Variants in PIAS1 observed in about 807,000 individuals in gnomAD.
PIAS1 encodes the protein E3 SUMO-protein ligase PIAS1.
In PIAS1, 6 loss-of-function variants were observed where a neutral mutation model predicts 71.3. That is an observed-to-expected ratio of 0.08 (90% CI 0.05 to 0.17). The LOEUF (loss-of-function observed/expected upper bound fraction) is 0.17, where lower values mean the gene tolerates loss of function less well. Ranked by LOEUF, PIAS1 falls within the 10% of genes least tolerant of loss-of-function variation. The probability of loss-of-function intolerance (pLI) is 1.00; values close to 1 mark genes in which losing one functional copy is unlikely to be tolerated. For missense variants in PIAS1, 555 were observed against 793.6 expected (o/e 0.70, Z 3.61); for synonymous variants, 303 against 292.9 (o/e 1.03, Z -0.35).
At chr15:68,080,250 TAA>T (rs1462487041) in intron 1 of PIAS1, among the ~76,000 whole-genome samples, 1 of 152,210 alleles carries the variant, frequency 6.6e-6, no homozygotes. Flanking sequence ...TATCAAAAAT[TAA>T]AGCCATGGTG....
rs1323029222 is a variant in PIAS1, at chr15:68,185,121, T to G, written c.1662+1454T>G. ...CCCAATATCAAAGTGTTGTGTCTCC[T>G]TCCATATACCACCTCTTTGATCCAA... is the stretch of plus-strand genomic sequence containing the variant. On this transcript the variant is annotated intron_variant, in intron 13 of 13. Transcript: ENST00000249636. The surrounding 1 kb of genome is among the most constrained non-coding windows in gnomAD (Gnocchi z 4.4). 1 of 152,270 alleles carries G rather than the reference T, an allele frequency of 6.6e-6. No homozygotes were observed. The highest frequency in any genetic ancestry group is 1.5e-5 in the Non-Finnish European group (1 of 68,040). 9.4% of individuals were successfully genotyped at this position (152,270 alleles called of 1,614,324 possible). A position where few individuals can be genotyped will look rare whatever the true frequency, so the allele number is the denominator to read the frequency against.
At chr15:68,088,621 C>CA (rs959523567) in intron 2 of PIAS1, among the ~76,000 whole-genome samples, 2 of 152,004 alleles carry the variant, frequency 1.3e-5, no homozygotes, top group Non-Finnish European at 2.9e-5. Flanking sequence ...AAAAAGATCT[C>CA]ACCACAAAGT....
At chr15:68,073,084 C>T (rs1247193642) in intron 1 of PIAS1, among the ~76,000 whole-genome samples, 12 of 152,216 alleles carry the variant, frequency 7.9e-5, no homozygotes, top group Middle Eastern at 6.8e-3. Context: ...GGCGCAATCT[C>T]GGCCCACTGC....
At chr15:68,072,399 C>G (rs1231180182) in intron 1 of PIAS1, among the ~76,000 whole-genome samples, 114 of 25,030 alleles carry the variant, frequency 4.6e-3, no homozygotes, top group African/African-American at 0.014. Context: ...GACTCCATCT[C>G]AAAAAAAAAA....
At chr15:68,075,137 C>T (rs544823436) in intron 1 of PIAS1, among the ~76,000 whole-genome samples, 1 of 124,986 alleles carries the variant, frequency 8.0e-6, no homozygotes, top group Non-Finnish European at 1.6e-5. Context: ...CAGGCTGGAG[C>T]GAAGTGGCGT....
chr15:68,081,949 T>G (rs1361744676), intron 1 of PIAS1, among the ~76,000 whole-genome samples: 1 of 151,564 alleles, frequency 6.6e-6, no homozygotes, highest in Non-Finnish European at 1.5e-5. Flanking sequence ...ATTGTAAAAT[T>G]TCAGAACAGA....
intron 1 of PIAS1, among the ~76,000 whole-genome samples, chr15:68,059,289 G>C (rs1323004920): frequency 1.3e-5 from 2 of 151,996 alleles, no homozygotes; most frequent in Non-Finnish European, 2.9e-5. Context: ...TTACAGGCGT[G>C]AGCCACCACC....
intron 1 of PIAS1, among the ~76,000 whole-genome samples, chr15:68,077,786 A>T (rs1377334965): frequency 6.6e-6 from 1 of 152,202 alleles, no homozygotes; most frequent in Non-Finnish European, 1.5e-5. Context: ...TCTGAGCTCC[A>T]CTACTTGCTA....
chr15:68,110,088 G>A (rs774946747), intron 2 of PIAS1, among the ~76,000 whole-genome samples: 3 of 152,080 alleles, frequency 2.0e-5, no homozygotes, highest in Middle Eastern at 3.2e-3. Flanking sequence ...ACATGAAACC[G>A]TTTTTCCTCC....
intron 2 of PIAS1, among the ~76,000 whole-genome samples, chr15:68,108,370 T>C (rs1455740205): frequency 3.3e-5 from 5 of 152,160 alleles, no homozygotes; most frequent in African/African-American, 1.2e-4. Flanking sequence ...GAGGTTCTCC[T>C]GCTTGTGCAC....
chr15:68,087,461 G>A (rs1015180528), intron 2 of PIAS1, among the ~76,000 whole-genome samples: 4 of 152,066 alleles, frequency 2.6e-5, no homozygotes, highest in African/African-American at 9.7e-5. Context: ...GATGCCTTTG[G>A]TATAATATAT....
chr15:68,067,472 C>CT (rs2092041829), intron 1 of PIAS1, among the ~76,000 whole-genome samples: 1 of 151,522 alleles, frequency 6.6e-6, no homozygotes, highest in Non-Finnish European at 1.5e-5. Flanking sequence ...AAAGATTTTT[C>CT]TTTTTTTCTT....
At chr15:68,095,640 C>T (rs1366036379) in intron 2 of PIAS1, among the ~76,000 whole-genome samples, 1 of 151,440 alleles carries the variant, frequency 6.6e-6, no homozygotes, top group South Asian at 2.1e-4. Flanking sequence ...AAGCAATTCT[C>T]CTGCCTCAGC....
intron 2 of PIAS1, among the ~76,000 whole-genome samples, chr15:68,137,755 C>T (rs935469327): frequency 1.3e-5 from 2 of 152,192 alleles, no homozygotes; most frequent in African/African-American, 4.8e-5. Flanking sequence ...GGATTAACTA[C>T]TAGAAAGTAG....
intron 2 of PIAS1, among the ~76,000 whole-genome samples, chr15:68,090,931 T>A (rs182145691): frequency 1.4e-5 from 2 of 147,642 alleles, no homozygotes; most frequent in African/African-American, 5.2e-5. Context: ...TTTACGGGTG[T>A]GTGTGTGTGT....
intron 11 of PIAS1, among the ~76,000 whole-genome samples, chr15:68,180,469 A>T (rs79970786): frequency 0.027 from 4,050 of 151,478 alleles, 170 homozygotes; most frequent in African/African-American, 0.092. Context: ...GTAAATTTTA[A>T]AAAAAAAGCT....
intron 2 of PIAS1, among the ~76,000 whole-genome samples, chr15:68,134,898 C>T (rs1471381306): frequency 2.1e-5 from 1 of 46,736 alleles, no homozygotes; most frequent in Non-Finnish European, 8.6e-5. Context: ...GAGGGGCTCC[C>T]CACCTCCCAG....
chr15:68,081,114 G>T lies in PIAS1; in HGVS notation c.25-5192G>T, dbSNP rs549369275. On this transcript the variant is annotated intron_variant, in intron 1 of 13. Transcript: ENST00000249636. ...TTCTCAGAACATGGCCCCTGCCTCT[G>T]TGTAGTTGGGACAGAGTTTGCGTAC... Among the ~76,000 whole-genome samples the T allele has an allele frequency of 5.9e-5, 9 of 152,308 alleles. No individual in the cohort carries two copies. The East Asian group carries it at 9.6e-4, about 16-fold the overall frequency.
intron 1 of PIAS1, among the ~76,000 whole-genome samples, chr15:68,058,465 A>G (rs1403715511): frequency 6.6e-6 from 1 of 152,208 alleles, no homozygotes; most frequent in Non-Finnish European, 1.5e-5. Flanking sequence ...AAGGTCATAC[A>G]AATAAAAGTG....
Sources: allele counts gnomAD v4.1 joint callset (sites outside exome capture counted in the v4.1 genomes callset), GRCh38; gene constraint gnomAD v4.1.1; non-coding constraint Gnocchi (gnomAD v3.1); transcripts MANE v1.5; gene names NCBI Gene and HGNC (gene_info 2026-07-23, HGNC 2026-07-21).